The following ZNF667 variants were observed in gnomAD, a reference collection of about 807,000 sequenced individuals.
ZNF667 encodes the protein zinc finger protein 667, also known as myocardial ischemic preconditioning upregulated 1 ortholog.
ZNF667 carries 13 observed loss-of-function variants against 31.8 expected under a neutral mutation model. The ratio of observed to expected loss-of-function variants is 0.41; its 90% CI spans 0.27 to 0.65. The LOEUF is 0.65. ZNF667 is among the 30% of genes least tolerant of loss of function. The probability of loss-of-function intolerance (pLI) is 0.32; values close to 1 mark genes in which losing one functional copy is unlikely to be tolerated. For synonymous variants in ZNF667, 228 were observed against 247.1 expected, an observed-to-expected ratio of 0.92 and a Z score of 0.73; for missense variants, 642 against 725.6, an observed-to-expected ratio of 0.88 and a Z score of 1.32.
chr19:56,440,794 G>A lies in ZNF667; in HGVS notation c.*368C>T, dbSNP rs750045726. The A allele has an allele frequency of 7.5e-5, 46 of 610,294 alleles. No homozygotes were observed. The highest frequency in any genetic ancestry group is 1.0e-4 in the South Asian group (2 of 19,702). 37.8% of individuals were successfully genotyped at this position (610,294 alleles called of 1,614,324 possible). A position where few individuals can be genotyped will look rare whatever the true frequency, so the allele number is the denominator to read the frequency against. ...TGAGATTACAGGTGCGCACCACCACGCCCAGCTAATTTTGTATTTTTTAGT... is the reference window on the plus strand; with the variant it reads ...TGAGATTACAGGTGCGCACCACCACACCCAGCTAATTTTGTATTTTTTAGT... On this transcript the variant is annotated 3_prime_UTR_variant, in exon 7 of 7. Coordinates refer to ENST00000504904, the MANE Select transcript of ZNF667 (RefSeq NM_001321356.2).
In ZNF667 at chr19:56,462,332, A is replaced by G; in HGVS notation, c.33+6T>C. ...TGTTCCGGAAGGAAGAGGAATTGCCACTTACCTTGGATTTGGATTTCCCCC... is the reference window on the plus strand; with the variant it reads ...TGTTCCGGAAGGAAGAGGAATTGCCGCTTACCTTGGATTTGGATTTCCCCC... On this transcript the variant is annotated splice_donor_region_variant and intron_variant, in intron 4 of 6. Transcript: ENST00000504904. 1 of 1,614,176 alleles carries G rather than the reference A, an allele frequency of 6.2e-7. No individual in the cohort carries two copies. The highest frequency in any genetic ancestry group is 8.5e-7 in the Non-Finnish European group (1 of 1,180,018).
At chr19:56,457,988 G>A (rs117103202) in intron 6 of ZNF667, among the ~76,000 whole-genome samples, 167 bp downstream of exon 6, 95 of 152,312 alleles carry the variant, frequency 6.2e-4, no homozygotes, top group Admixed American at 2.0e-3. Flanking sequence ...GAACCAGAAA[G>A]CAGTCCTCAC....
At chr19:56,471,125 C>T (rs954217453) in intron 3 of ZNF667, among the ~76,000 whole-genome samples, 16 of 152,018 alleles carry the variant, frequency 1.1e-4, no homozygotes, top group East Asian at 1.9e-4. Context: ...AGAGTTCTCA[C>T]GAGATCCAGT....
intron 6 of ZNF667, among the ~76,000 whole-genome samples, chr19:56,452,812 CA>C (rs974751295): frequency 6.6e-6 from 1 of 151,610 alleles, no homozygotes; most frequent in Non-Finnish European, 1.5e-5. Flanking sequence ...CCCAGCTACT[CA>C]GGAGGCTGAG....
At chr19:56,464,914 G>A (rs1213660003) in intron 3 of ZNF667, among the ~76,000 whole-genome samples, 2 of 152,134 alleles carry the variant, frequency 1.3e-5, no homozygotes, top group Non-Finnish European at 2.9e-5. Context: ...CCATTCCCTG[G>A]CCCTCCACAT....
intron 4 of ZNF667, among the ~76,000 whole-genome samples, chr19:56,461,462 G>A (rs2043043279): frequency 6.6e-6 from 1 of 152,164 alleles, no homozygotes; most frequent in African/African-American, 2.4e-5. Context: ...GGAAGGAACT[G>A]AATCTGGCCA....
At chr19:56,459,235 A>C (rs959448490) in intron 5 of ZNF667, among the ~76,000 whole-genome samples, 11 of 152,194 alleles carry the variant, frequency 7.2e-5, no homozygotes, top group Non-Finnish European at 1.6e-4. Flanking sequence ...TAATTCGACA[A>C]AGCAAACTAT....
chr19:56,462,601 G>A (rs2043070545), intron 3 of ZNF667, among the ~76,000 whole-genome samples, 172 bp from the exon 4 acceptor site: 1 of 152,188 alleles, frequency 6.6e-6, no homozygotes, highest in Non-Finnish European at 1.5e-5. Flanking sequence ...CACGGTCAGG[G>A]AAGGGCACGG....
At position 56,441,841 on chromosome 19, in the gene ZNF667, A is replaced by C; in HGVS notation, c.1154T>G (p.Leu385Arg). 1 of 1,614,126 alleles carries C rather than the reference A, an allele frequency of 6.2e-7. No homozygotes were observed. The change falls in exon 7 of 7, where the codon CTA (leucine) becomes CGA (arginine). Residue 385 changes from leucine to arginine, a missense_variant. Leu to Arg is a moderately radical substitution (Grantham distance 102). Coordinates refer to ENST00000504904, the MANE Select transcript of ZNF667 (RefSeq NM_001321356.2). This position sits in a 1 kb window ranked among gnomAD's most constrained non-coding sequence, Gnocchi z 4.2. The stretch of plus-strand genomic sequence containing the variant: ...CTTCTCACATTTATTGCATCTGTAT[A>C]GTTTTTCTCCATTATGAATTCTTAG... The part of the protein sequence containing the change: ...LHLRIHNGEK[L>R]YRCNKCEKVC...
intron 6 of ZNF667, among the ~76,000 whole-genome samples, chr19:56,456,124 A>G (rs574266831): frequency 6.6e-6 from 1 of 152,336 alleles, no homozygotes; most frequent in Non-Finnish European, 1.5e-5. Flanking sequence ...AATCTGCACA[A>G]AGTAAGTTCT....
At chr19:56,452,481 C>T (rs2042851839) in intron 6 of ZNF667, among the ~76,000 whole-genome samples, 1 of 152,032 alleles carries the variant, frequency 6.6e-6, no homozygotes, top group Non-Finnish European at 1.5e-5. Flanking sequence ...ACAATAAACG[C>T]CTACACCAAA....
intron 6 of ZNF667, among the ~76,000 whole-genome samples, chr19:56,452,457 G>A (rs1054521688): frequency 1.3e-5 from 2 of 152,284 alleles, no homozygotes; most frequent in South Asian, 2.1e-4. Context: ...AAAGCAGTAT[G>A]AAGAGAGTTT....
At chr19:56,473,905 T>G (rs2043346217) in intron 2 of ZNF667, 107 bp downstream of exon 2, 1 of 152,240 alleles carries the variant, frequency 6.6e-6, no homozygotes, top group Non-Finnish European at 1.5e-5. Context: ...AGGTTATATG[T>G]GTGAGTATGG....
In ZNF667 at chr19:56,469,967, C is replaced by T. The variant is rs372012602; in HGVS notation, c.-60+1732G>A. 33 of 485,556 alleles carry T rather than the reference C, an allele frequency of 6.8e-5. 1 individual carries two copies. The highest frequency in any genetic ancestry group is 3.2e-4 in the Middle Eastern group (1 of 3,106). The allele number at this position is 485,556 out of a possible 1,614,324, so 30.1% of individuals were successfully genotyped here. On this transcript the variant is annotated intron_variant, in intron 3 of 6. Coordinates refer to ENST00000504904, the MANE Select transcript of ZNF667 (RefSeq NM_001321356.2). ...ACATGTATCAGGTGCCACTTCTTCA[C>T]AGCGGAAACACATTCCATTGTGAGC... is the stretch of plus-strand genomic sequence containing the variant.
intron 5 of ZNF667, among the ~76,000 whole-genome samples, chr19:56,459,563 G>A (rs1367686908): frequency 6.6e-6 from 1 of 152,128 alleles, no homozygotes; most frequent in Non-Finnish European, 1.5e-5. Context: ...TCCTTAAAGC[G>A]CTAAAAACCC....
intron 1 of ZNF667, among the ~76,000 whole-genome samples, chr19:56,476,054 C>A (rs1459268002): frequency 6.6e-6 from 1 of 152,154 alleles, no homozygotes; most frequent in Non-Finnish European, 1.5e-5. Flanking sequence ...GTGCCAAGTT[C>A]TACTTATGCT....
chr19:56,458,072 G>T, intron 6 of ZNF667, 83 bp downstream of exon 6: 1 of 1,231,122 alleles, frequency 8.1e-7, no homozygotes, highest in Non-Finnish European at 1.2e-6. Flanking sequence ...GATTTCTGGT[G>T]TTTGTAAGTC....
chr19:56,449,541 G>A (rs1233622796), intron 6 of ZNF667: 8 of 297,184 alleles, frequency 2.7e-5, no homozygotes, highest in South Asian at 2.0e-4. Flanking sequence ...AATTAGCTGG[G>A]CATAGTGGGA....
intron 4 of ZNF667, 103 bp downstream of exon 4, chr19:56,462,235 T>C: frequency 1.4e-6 from 2 of 1,414,694 alleles, no homozygotes; most frequent in South Asian, 2.4e-5. Flanking sequence ...AGGTGTTGGA[T>C]GGATCTCCAA....
Sources: gnomAD v4.1 joint callset for allele counts (sites outside exome capture counted in the v4.1 genomes callset) on GRCh38, gnomAD v4.1.1 for gene constraint, Gnocchi (gnomAD v3.1) non-coding constraint, MANE v1.5 for transcripts, NCBI Gene and HGNC (gene_info 2026-07-23, HGNC 2026-07-21) for gene names.